MEGF6: variants seen among roughly 807,000 people sequenced by gnomAD.
The protein encoded by MEGF6 is multiple epidermal growth factor-like domains protein 6.
A neutral mutation model predicts 207.1 loss-of-function variants in MEGF6; 184 were observed. The observed-to-expected ratio is 0.89, with a 90% CI of 0.79 to 1.00. The LOEUF is 1.00. Ranked by LOEUF, MEGF6 falls within the 50% of genes least tolerant of loss-of-function variation. The pLI is 0.00. For missense variants in MEGF6, 2,282 were observed against 2,202.9 expected (o/e 1.04, Z -0.72); for synonymous variants, 1,038 against 910.0 (o/e 1.14, Z -2.53).
At chr1:3,491,151 C>A (rs1469433738) in intron 35 of MEGF6, among the ~76,000 whole-genome samples, 192 bp from the exon 36 acceptor site, 1 of 152,022 alleles carries the variant, frequency 6.6e-6, no homozygotes, top group East Asian at 1.9e-4. Flanking sequence ...TCTCCCTCTC[C>A]CCATAGGAAA....
intron 2 of MEGF6, among the ~76,000 whole-genome samples, chr1:3,595,766 G>A (rs1273405809): frequency 8.5e-5 from 13 of 152,108 alleles, no homozygotes; most frequent in Admixed American, 3.9e-4. Flanking sequence ...CCAGGCTGGC[G>A]TTGGGACGCA....
chr1:3,530,817 G>T (rs914528665), intron 4 of MEGF6, among the ~76,000 whole-genome samples: 45 of 152,210 alleles, frequency 3.0e-4, no homozygotes, highest in Non-Finnish European at 2.8e-4. Context: ...AAAGTCAGGG[G>T]ATGTTTTTCT....
intron 15 of MEGF6, 37 bp from the exon 16 acceptor site, chr1:3,505,593 G>C (rs749962121): frequency 6.6e-7 from 1 of 1,515,746 alleles, no homozygotes; most frequent in Non-Finnish European, 8.8e-7. Context: ...GCTCCCGTCT[G>C]AAGCCCCACC....
rs1553209357 is a variant in MEGF6, at chr1:3,595,323, GC to G, written c.376+14del. The G allele has an allele frequency of 6.3e-7, 1 of 1,591,202 alleles. No individual in the cohort carries two copies. The highest frequency in any genetic ancestry group is 8.6e-7 in the Non-Finnish European group (1 of 1,161,442). On this transcript the variant is annotated intron_variant, in intron 3 of 36. Transcript: ENST00000356575. The stretch of plus-strand genomic sequence containing the variant: ...GGAGGTGGAGGGAGGGCGGGGAGGC[GC>G]AGGCGGCACTCACCCGAGAGGCAGC...
intron 4 of MEGF6, chr1:3,531,268 G>A: frequency 7.4e-7 from 1 of 1,359,318 alleles, no homozygotes; most frequent in Non-Finnish European, 9.4e-7. Context: ...CGGCGGGCGG[G>A]AGGGGGCGAG....
In MEGF6 at chr1:3,498,730, G is replaced by T. The variant is rs770779963; in HGVS notation, c.3191C>A (p.Pro1064Gln). ...ACAGGCCAGGCCGGCCCAGCCCTCT[G>T]GGCACGCACAGTGGCCTGAGACAGG... ...CDPVSGHCAC[P>Q]EGWAGLACEK... The change falls in exon 25 of 37, where the codon CCA becomes CAA. Residue 1064 changes from proline (P) to glutamine (Q), a missense_variant. Transcript: ENST00000356575. 3 of 1,567,778 alleles carry T rather than the reference G, an allele frequency of 1.9e-6. No homozygotes were observed.
intron 1 of MEGF6, among the ~76,000 whole-genome samples, chr1:3,606,078 A>G (rs191411255): frequency 6.6e-6 from 1 of 152,352 alleles, no homozygotes; most frequent in East Asian, 1.9e-4. Flanking sequence ...TTGGGATCAG[A>G]GACAGGTGTT....
At chr1:3,563,343 G>A (rs890562061) in intron 4 of MEGF6, among the ~76,000 whole-genome samples, 1 of 152,090 alleles carries the variant, frequency 6.6e-6, no homozygotes, top group African/African-American at 2.4e-5. Context: ...CCAGGTGTCT[G>A]GGCTTGGTGG....
At position 3,599,629 on chromosome 1, in the gene MEGF6, C is replaced by T. The variant is rs548296126; in HGVS notation, c.266+2837G>A. 1.8e-3 allele frequency among the ~76,000 whole-genome samples: 275 copies of T among 152,344 alleles called. 1 individual carries two copies. Among genetic ancestry groups the T allele is most frequent in the Middle Eastern group, 3.4e-3 (1 of 294 alleles). ...CAAGCCTAGCTGTGGCCTCACAGCC[C>T]GAGTCACCAGTCACCCAGTCGTGTG... On this transcript the variant is annotated intron_variant, in intron 2 of 36. Transcript: ENST00000356575.
chr1:3,492,519 T>G (rs1640414369), intron 35 of MEGF6, 120 bp downstream of exon 35: 2 of 1,362,742 alleles, frequency 1.5e-6, no homozygotes, highest in Non-Finnish European at 2.0e-6. Flanking sequence ...TATGTCTGAA[T>G]AGCCATAGGG....
upstream of MEGF6, among the ~76,000 whole-genome samples, chr1:3,613,477 G>T (rs1423264126): frequency 6.6e-6 from 1 of 152,230 alleles, no homozygotes; most frequent in Admixed American, 6.5e-5. Flanking sequence ...GCAAGTGTGT[G>T]TCAAGTGAAT....
intron 4 of MEGF6, among the ~76,000 whole-genome samples, chr1:3,524,980 G>T (rs1641907019): frequency 6.6e-6 from 1 of 152,170 alleles, no homozygotes; most frequent in South Asian, 2.1e-4. Context: ...AGGGAGCGTG[G>T]CCCCGCGGAC....
At position 3,490,283 on chromosome 1, in the gene MEGF6, T is replaced by C. The variant is rs1433728501; in HGVS notation, c.*245A>G. On this transcript the variant is annotated 3_prime_UTR_variant, in exon 37 of 37. Coordinates refer to ENST00000356575, the MANE Select transcript of MEGF6 (RefSeq NM_001409.4). ...TCAGCCCAGGCCCAGAGCGTGCCCCTGGGTTCTGCAGAGCCAGGCCAGGAG... is the reference window on the plus strand; with the variant it reads ...TCAGCCCAGGCCCAGAGCGTGCCCCCGGGTTCTGCAGAGCCAGGCCAGGAG... 1 of 552,802 alleles carries C rather than the reference T, an allele frequency of 1.8e-6. No homozygotes were observed. 34.2% of individuals were successfully genotyped at this position (552,802 alleles called of 1,614,324 possible). A position where few individuals can be genotyped will look rare whatever the true frequency, so the allele number is the denominator to read the frequency against.
chr1:3,580,249 G>C (rs1401279955), intron 3 of MEGF6, among the ~76,000 whole-genome samples: 1 of 151,202 alleles, frequency 6.6e-6, no homozygotes, highest in Non-Finnish European at 1.5e-5. Context: ...GAGAGGGGTG[G>C]GAGGAGGGAA....
At position 3,524,369 on chromosome 1, in the gene MEGF6, T is replaced by C. The variant is rs992394946; in HGVS notation, c.482-123A>G. On this transcript the variant is annotated intron_variant, in intron 4 of 36. Transcript: ENST00000356575. ...TCCCGTGCCTCGAGGGCACCACCCA[T>C]GAGCCCCTCACCCACATCTGCCGGA... The C allele has an allele frequency of 6.3e-6, 8 of 1,272,742 alleles. No homozygotes were observed. In the African/African-American group the frequency reaches 1.2e-4, roughly 19 times the overall value. 78.8% of individuals were successfully genotyped at this position (1,272,742 alleles called of 1,614,324 possible).
intron 1 of MEGF6, among the ~76,000 whole-genome samples, chr1:3,607,940 G>T (rs1644275153): frequency 6.6e-6 from 1 of 152,130 alleles, no homozygotes; most frequent in Non-Finnish European, 1.5e-5. Flanking sequence ...GGGGAGGGCG[G>T]GGATCCAGAA....
chr1:3,511,887 C>A, intron 8 of MEGF6, 119 bp downstream of exon 8: 1 of 1,512,782 alleles, frequency 6.6e-7, no homozygotes, highest in South Asian at 1.2e-5. Flanking sequence ...GGGCTCACAC[C>A]CAGGGCTGCC....
Position 3,561,126 on chromosome 1 carries a change from C to A in MEGF6, c.481+18699G>T, listed in dbSNP as rs79529784. ...GAGAGACGGCCTTTCCAAGGGGAGG[C>A]GGCACGGCAGGTCGGGTGGAGGCTG... On this transcript the variant is annotated intron_variant, in intron 4 of 36. Coordinates refer to ENST00000356575, the MANE Select transcript of MEGF6 (RefSeq NM_001409.4). Among the ~76,000 whole-genome samples, 149 of 152,234 alleles carry A rather than the reference C, an allele frequency of 9.8e-4. No homozygotes were observed. In the East Asian group the frequency reaches 0.018, roughly 18 times the overall value.
chr1:3,598,962 C>T (rs1421389919), intron 2 of MEGF6, among the ~76,000 whole-genome samples: 1 of 152,196 alleles, frequency 6.6e-6, no homozygotes, highest in East Asian at 1.9e-4. Context: ...AGGCAAGACC[C>T]CTGAATACCC....
Sources: gnomAD v4.1 joint callset for allele counts (sites outside exome capture counted in the v4.1 genomes callset) on GRCh38, gnomAD v4.1.1 for gene constraint, MANE v1.5 for transcripts, NCBI Gene and HGNC (gene_info 2026-07-23, HGNC 2026-07-21) for gene names.